SPRED1: variants seen among roughly 807,000 people sequenced by gnomAD.
SPRED1 encodes sprouty-related, EVH1 domain-containing protein 1.
A neutral mutation model predicts 52.3 loss-of-function variants in SPRED1; 18 were observed. The observed-to-expected ratio is 0.34, with a 90% confidence interval of 0.24 to 0.51. The LOEUF is 0.51. SPRED1 is among the 20% of genes least tolerant of loss of function. The probability of loss-of-function intolerance (pLI) is 0.97; values close to 1 mark genes in which losing one functional copy is unlikely to be tolerated. For missense variants in SPRED1, 485 were observed against 551.0 expected, an observed-to-expected ratio of 0.88 and a Z score of 1.20; for synonymous variants, 155 against 179.7, an observed-to-expected ratio of 0.86 and a Z score of 1.10.
chr15:38,270,602 T>TGCTAC (rs1213950197), intron 1 of SPRED1, among the ~76,000 whole-genome samples: 4 of 152,054 alleles, frequency 2.6e-5, no homozygotes. Flanking sequence ...AAGTGGGAAG[T>TGCTAC]GCTACACACT....
chr15:38,324,813 A>C lies in SPRED1; in HGVS notation c.423+4A>C. 2.5e-6 allele frequency: 4 copies of C among 1,611,692 alleles called. No homozygotes were observed. The highest frequency in any genetic ancestry group is 3.4e-6 in the Non-Finnish European group (4 of 1,178,680). On this transcript the variant is annotated splice_donor_region_variant and intron_variant, in intron 4 of 6. Transcript: ENST00000299084. The stretch of plus-strand genomic sequence containing the variant: ...TGAAGGGGCAGATGACTTACAAGTA[A>C]GTAATGGCTTGGAAGGAATTTGTAA...
At chr15:38,272,902 A>G (rs1008727501) in intron 1 of SPRED1, among the ~76,000 whole-genome samples, 1 of 151,996 alleles carries the variant, frequency 6.6e-6, no homozygotes, top group Non-Finnish European at 1.5e-5. Flanking sequence ...TTGCTTGTTC[A>G]GTTATTTAAA....
At chr15:38,265,673 C>T (rs1320248399) in intron 1 of SPRED1, among the ~76,000 whole-genome samples, 1 of 151,356 alleles carries the variant, frequency 6.6e-6, no homozygotes, top group African/African-American at 2.4e-5. Flanking sequence ...GAGTATATTT[C>T]TAGAACTTAT....
At chr15:38,334,260 G>C (rs1895863751) in intron 4 of SPRED1, among the ~76,000 whole-genome samples, 1 of 151,730 alleles carries the variant, frequency 6.6e-6, no homozygotes. Flanking sequence ...AAGAAGATAA[G>C]AAAATGAAAA....
At chr15:38,270,651 C>T (rs1477997944) in intron 1 of SPRED1, among the ~76,000 whole-genome samples, 2 of 152,138 alleles carry the variant, frequency 1.3e-5, no homozygotes, top group African/African-American at 4.8e-5. Context: ...ATCACAAGAA[C>T]AGCGAGGGGG....
In SPRED1 at chr15:38,352,701, C is replaced by A. The variant is rs1202216963; in HGVS notation, c.*1037C>A. On this transcript the variant is annotated 3_prime_UTR_variant, in exon 7 of 7. Transcript: ENST00000299084. Reference sequence around the variant, plus strand: ...TGTAAAAGCTTCATGTTGAGATCTTCACGTATCATTCTGCTAAACCAGAAT... The same window carrying A: ...TGTAAAAGCTTCATGTTGAGATCTTAACGTATCATTCTGCTAAACCAGAAT... 1.3e-5 allele frequency: 2 copies of A among 152,066 alleles called. No homozygotes were observed. Among genetic ancestry groups the A allele is most frequent in the African/African-American group, 4.8e-5 (2 of 41,428 alleles). The allele number at this position is 152,066 out of a possible 1,614,324, so 9.4% of individuals were successfully genotyped here. A position where few individuals can be genotyped will look rare whatever the true frequency, so the allele number is the denominator to read the frequency against.
chr15:38,351,565 C>T lies in SPRED1; in HGVS notation c.1236C>T (p.Phe412=). The change falls in exon 7 of 7, where the codon TTC becomes TTT. Residue 412 remains phenylalanine, a synonymous_variant. Coordinates refer to ENST00000299084, the MANE Select transcript of SPRED1 (RefSeq NM_152594.3). ...LRWLALVALS[F]IVPCMCCYVP... ...GGTTAGCCCTGGTAGCTTTGTCTTT[C>T]ATTGTACCATGTATGTGCTGCTACG... 1 of 1,614,164 alleles carries T rather than the reference C, an allele frequency of 6.2e-7. No homozygotes were observed. Among genetic ancestry groups the T allele is most frequent in the Non-Finnish European group, 8.5e-7 (1 of 1,180,018 alleles).
intron 2 of SPRED1, among the ~76,000 whole-genome samples, chr15:38,305,810 A>T (rs1229676358): frequency 1.3e-5 from 2 of 152,180 alleles, no homozygotes; most frequent in Non-Finnish European, 2.9e-5. Context: ...AAACTATATA[A>T]GATCTTGAAA....
At chr15:38,297,981 T>TA (rs1158812337) in intron 1 of SPRED1, among the ~76,000 whole-genome samples, 2 of 152,128 alleles carry the variant, frequency 1.3e-5, no homozygotes, top group Admixed American at 1.3e-4. Flanking sequence ...GTATATTCTC[T>TA]AAAAAATACT....
At chr15:38,293,729 T>G (rs1894971932) in intron 1 of SPRED1, among the ~76,000 whole-genome samples, 1 of 152,228 alleles carries the variant, frequency 6.6e-6, no homozygotes, top group African/African-American at 2.4e-5. Flanking sequence ...TATGCATGGC[T>G]TAATACAGTA....
At chr15:38,271,295 C>T (rs1163026417) in intron 1 of SPRED1, among the ~76,000 whole-genome samples, 2 of 152,160 alleles carry the variant, frequency 1.3e-5, no homozygotes, top group African/African-American at 4.8e-5. Flanking sequence ...TGTTTCAGTG[C>T]AGCAGACCCT....
intron 2 of SPRED1, among the ~76,000 whole-genome samples, chr15:38,311,098 T>A (rs896705412): frequency 3.9e-5 from 6 of 152,196 alleles, no homozygotes; most frequent in African/African-American, 7.2e-5. Context: ...AGGCATTTTT[T>A]ATCAAATTGA....
intron 1 of SPRED1, among the ~76,000 whole-genome samples, chr15:38,264,957 C>T (rs1177333779): frequency 2.0e-5 from 3 of 152,094 alleles, no homozygotes; most frequent in East Asian, 1.9e-4. Flanking sequence ...AAGAACTTTA[C>T]GTTTTTATGA....
At chr15:38,260,147 C>G (rs558555764) in intron 1 of SPRED1, among the ~76,000 whole-genome samples, 1 of 152,184 alleles carries the variant, frequency 6.6e-6, no homozygotes, top group Non-Finnish European at 1.5e-5. Context: ...GCTTAAAAAG[C>G]AACAACAAGT....
chr15:38,270,158 C>T (rs544245772), intron 1 of SPRED1, among the ~76,000 whole-genome samples: 76 of 152,280 alleles, frequency 5.0e-4, no homozygotes, highest in Admixed American at 9.2e-4. Flanking sequence ...CTGCCTGCCT[C>T]GGCCTCCCAA....
chr15:38,280,506 G>A lies in SPRED1; in HGVS notation c.33-18867G>A, dbSNP rs367848810. Among the ~76,000 whole-genome samples, 23 of 114,262 alleles carry A rather than the reference G, an allele frequency of 2.0e-4. No individual in the cohort carries two copies. The East Asian group carries it at 4.0e-3, about 20-fold the overall frequency. 75.0% of individuals were successfully genotyped at this position (114,262 alleles called of 152,430 possible). The stretch of plus-strand genomic sequence containing the variant: ...GAATTGACATGGATATCATCTTTGC[G>A]TTAGATTTTTAAAAATCCATTGTTT... On this transcript the variant is annotated intron_variant, in intron 1 of 6. Coordinates refer to ENST00000299084, the MANE Select transcript of SPRED1 (RefSeq NM_152594.3).
chr15:38,283,657 T>A, intron 1 of SPRED1: 2 of 235,970 alleles, frequency 8.5e-6, no homozygotes, highest in Non-Finnish European at 1.4e-5. Context: ...GTGATATGAG[T>A]GGCTGTTTTC....
intron 5 of SPRED1, among the ~76,000 whole-genome samples, chr15:38,348,683 T>C (rs977938951): frequency 2.6e-5 from 4 of 152,082 alleles, no homozygotes; most frequent in Non-Finnish European, 5.9e-5. Context: ...GTAAACAAGA[T>C]TGCCAAAATG....
At chr15:38,304,328 G>C (rs1403344) in intron 2 of SPRED1, among the ~76,000 whole-genome samples, 125,362 of 152,080 alleles carry the variant, frequency 0.82, 52,455 homozygotes, top group Non-Finnish European at 0.9. Flanking sequence ...TACAGAAGTG[G>C]TCCTCCACTA....
Sources: gnomAD v4.1 joint callset for allele counts (sites outside exome capture counted in the v4.1 genomes callset) on GRCh38, gnomAD v4.1.1 for gene constraint, MANE v1.5 for transcripts, NCBI Gene and HGNC (gene_info 2026-07-23, HGNC 2026-07-21) for gene names.